The following TEC variants were observed in gnomAD, a reference collection of about 807,000 sequenced individuals.
TEC encodes the protein tyrosine-protein kinase Tec.
Under a neutral mutation model 93.0 loss-of-function variants are expected in TEC, and 72 were observed. That is an observed-to-expected ratio of 0.77 (90% confidence interval 0.64 to 0.94). The LOEUF (loss-of-function observed/expected upper bound fraction) is 0.94, where lower values mean the gene tolerates loss of function less well. Ranked by LOEUF, TEC falls within the 40% of genes least tolerant of loss-of-function variation. TEC has a pLI of 0.00. For missense variants in TEC, 630 were observed against 757.9 expected, an observed-to-expected ratio of 0.83 and a Z score of 1.98; for synonymous variants, 249 against 247.7, an observed-to-expected ratio of 1.01 and a Z score of -0.05.
intron 2 of TEC, among the ~76,000 whole-genome samples, chr4:48,200,716 C>A (rs1722478031): frequency 6.6e-6 from 1 of 152,206 alleles, no homozygotes; most frequent in Non-Finnish European, 1.5e-5. Context: ...TAAGGCAAAG[C>A]TGCTAAAGGG....
intron 2 of TEC, among the ~76,000 whole-genome samples, chr4:48,210,771 C>G (rs1722876092): frequency 1.3e-5 from 2 of 152,164 alleles, no homozygotes; most frequent in Non-Finnish European, 2.9e-5. Context: ...ACCAGCACCA[C>G]AGATCAATTT....
intron 2 of TEC, among the ~76,000 whole-genome samples, chr4:48,211,303 C>A (rs1382851006): frequency 6.6e-6 from 1 of 152,168 alleles, no homozygotes; most frequent in Non-Finnish European, 1.5e-5. Flanking sequence ...AATATATTAT[C>A]TCATCCAGTG....
chr4:48,198,234 A>C (rs914978648), intron 2 of TEC, among the ~76,000 whole-genome samples: 1 of 152,218 alleles, frequency 6.6e-6, no homozygotes, highest in African/African-American at 2.4e-5. Context: ...TCCCGGCGCC[A>C]GGGCGATGGT....
intron 9 of TEC, among the ~76,000 whole-genome samples, chr4:48,154,781 T>C (rs2109522483): frequency 6.6e-6 from 1 of 152,248 alleles, no homozygotes; most frequent in South Asian, 2.1e-4. Flanking sequence ...AATGGAAATT[T>C]ATGGGGTTAA....
At chr4:48,155,098 T>TC (rs1480703600) in intron 9 of TEC, among the ~76,000 whole-genome samples, 1 of 152,142 alleles carries the variant, frequency 6.6e-6, no homozygotes, top group Non-Finnish European at 1.5e-5. Context: ...GAAAAGAAGT[T>TC]CCTAGGACTA....
chr4:48,244,061 G>T (rs1387707112), intron 1 of TEC, among the ~76,000 whole-genome samples: 1 of 151,676 alleles, frequency 6.6e-6, no homozygotes, highest in African/African-American at 2.4e-5. Flanking sequence ...GCAAGGCAAA[G>T]GCACATCCCA....
chr4:48,185,109 A>C (rs1721761501), intron 2 of TEC, among the ~76,000 whole-genome samples: 1 of 152,236 alleles, frequency 6.6e-6, no homozygotes, highest in Non-Finnish European at 1.5e-5. Context: ...AACATCTTCT[A>C]GGGTTACAGA....
Position 48,167,855 on chromosome 4 carries a change from G to A in TEC, c.594C>T (p.Leu198=). The A allele has an allele frequency of 1.2e-6, 2 of 1,613,838 alleles. No individual in the cohort carries two copies. Among genetic ancestry groups the A allele is most frequent in the Non-Finnish European group, 1.7e-6 (2 of 1,179,900 alleles). ...GATACTCTTGGCCTCTCTCTAATCT[G>A]AGATCATGTCCTTCTGCTGCTTGGA... ...YDFQAAEGHD[L]RLERGQEYLI... The change falls in exon 7 of 18, where the codon CTC becomes CTT. Residue 198 remains leucine, a synonymous_variant. Transcript: ENST00000381501.
chr4:48,242,303 C>T (rs1560422786), intron 1 of TEC, among the ~76,000 whole-genome samples: 2 of 152,206 alleles, frequency 1.3e-5, no homozygotes, highest in Non-Finnish European at 2.9e-5. Flanking sequence ...CTGTCTTACA[C>T]AAGCCACACA....
chr4:48,139,061 A>C (rs757628392), intron 15 of TEC, 39 bp from the exon 16 acceptor site: 3 of 1,520,272 alleles, frequency 2.0e-6, no homozygotes, highest in Admixed American at 3.5e-5. Flanking sequence ...CCTCTGAAGA[A>C]CAATCTGTTT....
At chr4:48,222,597 T>C (rs1723303200) in intron 2 of TEC, among the ~76,000 whole-genome samples, 3 of 152,080 alleles carry the variant, frequency 2.0e-5, no homozygotes, top group Admixed American at 6.6e-5. Flanking sequence ...GGAAGCAAAC[T>C]GACCTCCCCA....
At chr4:48,195,301 C>G (rs1722260289) in intron 2 of TEC, among the ~76,000 whole-genome samples, 1 of 152,176 alleles carries the variant, frequency 6.6e-6, no homozygotes, top group Non-Finnish European at 1.5e-5. Context: ...AAAAACACTT[C>G]TCAAATATTT....
chr4:48,163,993 C>A (rs1577712939), intron 7 of TEC, among the ~76,000 whole-genome samples: 1 of 152,122 alleles, frequency 6.6e-6, no homozygotes, highest in East Asian at 1.9e-4. Context: ...CATTATTGTA[C>A]CTATTTTCTG....
chr4:48,162,903 T>C (rs1449415042), intron 8 of TEC, among the ~76,000 whole-genome samples: 1 of 152,224 alleles, frequency 6.6e-6, no homozygotes, highest in Non-Finnish European at 1.5e-5. Context: ...ATACAAGTTA[T>C]CTGGAAAGCA....
At chr4:48,250,132 A>C (rs1358520664) in intron 1 of TEC, among the ~76,000 whole-genome samples, 1 of 152,168 alleles carries the variant, frequency 6.6e-6, no homozygotes, top group Admixed American at 6.5e-5. Context: ...CTCAAACACA[A>C]CACCACTTAA....
chr4:48,265,247 T>C (rs1724602172), intron 1 of TEC, among the ~76,000 whole-genome samples: 1 of 151,676 alleles, frequency 6.6e-6, no homozygotes. Flanking sequence ...GAGATTTTGA[T>C]TTTAAATATT....
At chr4:48,210,037 CAATTAAA>C (rs1722846259) in intron 2 of TEC, among the ~76,000 whole-genome samples, 1 of 152,096 alleles carries the variant, frequency 6.6e-6, no homozygotes, top group Non-Finnish European at 1.5e-5. Flanking sequence ...AAATCTTTGT[CAATTAAA>C]AATTAAAAAT....
chr4:48,240,462 A>G (rs936154898), intron 1 of TEC, among the ~76,000 whole-genome samples: 9 of 152,126 alleles, frequency 5.9e-5, no homozygotes, highest in African/African-American at 1.9e-4. Flanking sequence ...ATACCTTCCA[A>G]TGGTCCCGGT....
chr4:48,169,937 G>C (rs968834751), intron 5 of TEC, among the ~76,000 whole-genome samples: 1 of 152,142 alleles, frequency 6.6e-6, no homozygotes, highest in Non-Finnish European at 1.5e-5. Flanking sequence ...TCCACATCTT[G>C]GTTTATTTGT....
Sources: gnomAD v4.1 joint callset for allele counts (sites outside exome capture counted in the v4.1 genomes callset) on GRCh38, gnomAD v4.1.1 for gene constraint, MANE v1.5 for transcripts, NCBI Gene and HGNC (gene_info 2026-07-23, HGNC 2026-07-21) for gene names.